The following HELB variants were observed in gnomAD, a reference collection of about 807,000 sequenced individuals.
HELB encodes DNA 5'-3' helicase B.
A neutral mutation model predicts 101.7 loss-of-function variants in HELB; 96 were observed. The observed-to-expected ratio is 0.94, with a 90% CI of 0.80 to 1.12. The LOEUF (loss-of-function observed/expected upper bound fraction) is 1.12, where lower values mean the gene tolerates loss of function less well. Among genes scored for constraint, HELB ranks in the 50% most tolerant of loss-of-function variants. The pLI is 0.00. For missense variants in HELB, 1,210 were observed against 1,291.9 expected (o/e 0.94, Z 0.97); for synonymous variants, 437 against 459.7 (o/e 0.95, Z 0.63).
intron 11 of HELB, among the ~76,000 whole-genome samples, chr12:66,327,746 C>T (rs1377406727): frequency 6.6e-6 from 1 of 151,758 alleles, no homozygotes; most frequent in African/African-American, 2.4e-5. Flanking sequence ...CATTGTGAAG[C>T]TTAAATTTGG....
At chr12:66,336,688 G>A (rs1023536934) in intron 12 of HELB, among the ~76,000 whole-genome samples, 23 of 152,128 alleles carry the variant, frequency 1.5e-4, no homozygotes, top group African/African-American at 5.6e-4. Context: ...GGTGTGTGGA[G>A]TCCTGGCACA....
At chr12:66,304,230 G>T (rs1341921251) in intron 1 of HELB, among the ~76,000 whole-genome samples, 1 of 152,212 alleles carries the variant, frequency 6.6e-6, no homozygotes, top group East Asian at 1.9e-4. Flanking sequence ...ATGCTTAGAA[G>T]GAATGCTAAA....
chr12:66,303,607 T>C (rs1339320886), intron 1 of HELB, among the ~76,000 whole-genome samples: 1 of 151,982 alleles, frequency 6.6e-6, no homozygotes, highest in African/African-American at 2.4e-5. Context: ...CACTCCGGCC[T>C]GGGCAACAAG....
At chr12:66,328,540 C>G (rs150729449) in intron 11 of HELB, among the ~76,000 whole-genome samples, 27 of 152,156 alleles carry the variant, frequency 1.8e-4, no homozygotes, top group African/African-American at 6.0e-4. Context: ...GTGAGACCCT[C>G]TCTCAAAAAC....
intron 7 of HELB, 104 bp from the exon 8 acceptor site, chr12:66,321,844 A>G (rs1038144325): frequency 1.0e-5 from 6 of 594,816 alleles, no homozygotes; most frequent in African/African-American, 1.9e-5. Flanking sequence ...TTGGTGAGAT[A>G]TTTTCCCAGG....
At chr12:66,326,215 G>A (rs2053735186) in intron 11 of HELB, among the ~76,000 whole-genome samples, 1 of 150,926 alleles carries the variant, frequency 6.6e-6, no homozygotes, top group African/African-American at 2.4e-5. Flanking sequence ...TCTGCTGTTG[G>A]TATGTTGCTT....
rs1452684314 is a variant in HELB, at chr12:66,310,359, T to A, written c.1431T>A (p.Gly477=). ...SNPVTVISGK[G]GCGKTTIVSR... is the part of the protein sequence containing the mutation. ...CTGTGACAGTCATAAGTGGGAAAGGTGGATGTGGGAAGACCACAATCGTTA... is the reference window on the plus strand; with the variant it reads ...CTGTGACAGTCATAAGTGGGAAAGGAGGATGTGGGAAGACCACAATCGTTA... The change falls in exon 4 of 13, where the codon GGT becomes GGA. Residue 477 remains glycine (G), a synonymous_variant. Coordinates refer to ENST00000247815, the MANE Select transcript of HELB (RefSeq NM_001370285.1). 2 of 1,614,184 alleles carry A rather than the reference T, an allele frequency of 1.2e-6. No individual in the cohort carries two copies. Among genetic ancestry groups the A allele is most frequent in the Admixed American group, 3.3e-5 (2 of 60,006 alleles).
At position 66,305,066 on chromosome 12, in the gene HELB, A is replaced by G; in HGVS notation, c.523A>G (p.Arg175Gly). 6.2e-7 allele frequency: 1 copy of G among 1,611,546 alleles called. No individual in the cohort carries two copies. The highest frequency in any genetic ancestry group is 8.5e-7 in the Non-Finnish European group (1 of 1,179,048). ...AAGAACTTTCCACAAGGAAACTGGA[A>G]GGAAAGATCAAAAGCAGCCTACACA... ...TLRTFHKETG[R>G]KDQKQPTQNG... The change falls in exon 2 of 13, where the codon AGG (arginine) becomes GGG (glycine). Residue 175 changes from arginine (R) to glycine (G), a missense_variant. By Grantham distance (125) the Arg-to-Gly change is moderately radical. This residue lies in a region of HELB where 470 missense variants were observed against 563.1 expected (regional missense o/e 0.83). Coordinates refer to ENST00000247815, the MANE Select transcript of HELB (RefSeq NM_001370285.1).
chr12:66,302,555 C>A lies in HELB; in HGVS notation c.-49C>A. 6.4e-7 allele frequency: 1 copy of A among 1,551,200 alleles called. No individual in the cohort carries two copies. Among genetic ancestry groups the A allele is most frequent in the Non-Finnish European group, 8.9e-7 (1 of 1,127,546 alleles). ...AACTGATTGGCTGATCATGACCATG[C>A]AGTTAGCCAGGGTTTTCCCGAGTTG... On this transcript the variant is annotated 5_prime_UTR_variant, in exon 1 of 13. Transcript: ENST00000247815.
Position 66,310,479 on chromosome 12 carries a change from G to A in HELB, c.1551G>A (p.Trp517Ter), listed in dbSNP as rs140603418. The change falls in exon 4 of 13, where the codon TGG becomes TGA. Residue 517 changes from tryptophan to a stop codon, truncating the protein, a stop_gained. Transcript: ENST00000247815. LOFTEE classifies it high-confidence loss of function. ...AAGACCAGAATGCTTCAGAAGAATG[G>A]ATTACCTTTACTGAGCAAAGTCAAC... Reference protein sequence around the residue: ...FEQDQNASEEWITFTEQSQLE... With the variant: ...FEQDQNASEE 3.1e-6 allele frequency: 5 copies of A among 1,613,946 alleles called. No individual in the cohort carries two copies. The African/African-American group carries it at 4.0e-5, about 13-fold the overall frequency.
rs76872491 is a variant in HELB at position 66,305,782 on chromosome 12, T to A, written c.608-563T>A. 5.6e-3 allele frequency among the ~76,000 whole-genome samples: 859 copies of A among 152,168 alleles called. 16 individuals are homozygous for A. Among genetic ancestry groups the A allele is most frequent in the African/African-American group, 0.02 (832 of 41,502 alleles). ...AAAAATCAGTTGTAAATGATTCTGT[T>A]TAAAGAGGTAGAGAAGAACGACAAG... On this transcript the variant is annotated intron_variant, in intron 2 of 12. Transcript: ENST00000247815.
intron 10 of HELB, chr12:66,324,465 G>C (rs1380085604): frequency 5.1e-5 from 17 of 332,190 alleles, no homozygotes; most frequent in Admixed American, 4.4e-5. Flanking sequence ...ATATTTTCTA[G>C]AAGATTTTAT....
chr12:66,335,651 A>C (rs1351134514), intron 12 of HELB, among the ~76,000 whole-genome samples: 4 of 152,190 alleles, frequency 2.6e-5, no homozygotes, highest in African/African-American at 9.7e-5. Flanking sequence ...GAGAACCAGA[A>C]ATTCATGATT....
At chr12:66,342,397 C>T (rs182017657), downstream of HELB, 499 of 141,734 alleles carry the variant, frequency 3.5e-3, 2 homozygotes, top group African/African-American at 0.012. Context: ...TTCTTCGAGA[C>T]GGAGTCTTGC....
intron 3 of HELB, among the ~76,000 whole-genome samples, chr12:66,307,594 C>T (rs1290432567): frequency 6.6e-6 from 1 of 152,016 alleles, no homozygotes; most frequent in African/African-American, 2.4e-5. Flanking sequence ...CAGGCCCTTA[C>T]TCTCACTCTT....
At chr12:66,342,699 TTTC>T (rs1431245160), downstream of HELB, 3 of 111,664 alleles carry the variant, frequency 2.7e-5, no homozygotes, top group Non-Finnish European at 5.5e-5. Context: ...CTTTTTTCTT[TTTC>T]TTTTTTTTTT....
rs919943970 is a variant in HELB, at chr12:66,324,819, T to G, written c.2527-164T>G. ...GTTTATTAAAATATTTAGGTATAGATATATTGTTTGTGCTGAAATGCAAAT... is the reference window on the plus strand; with the variant it reads ...GTTTATTAAAATATTTAGGTATAGAGATATTGTTTGTGCTGAAATGCAAAT... On this transcript the variant is annotated intron_variant, in intron 10 of 12. Coordinates refer to ENST00000247815, the MANE Select transcript of HELB (RefSeq NM_001370285.1). The G allele has an allele frequency of 5.7e-6, 4 of 706,534 alleles. No homozygotes were observed. In the African/African-American group the frequency reaches 7.2e-5, roughly 13 times the overall value. 43.8% of individuals were successfully genotyped at this position (706,534 alleles called of 1,614,324 possible).
intron 11 of HELB, among the ~76,000 whole-genome samples, chr12:66,326,167 T>G (rs35581560): frequency 2.6e-5 from 4 of 152,206 alleles, no homozygotes; most frequent in Non-Finnish European, 1.5e-5. Context: ...CTGTTATTAG[T>G]GAGTCTCTTA....
In HELB at chr12:66,321,998, G is replaced by A; in HGVS notation, c.2206G>A (p.Ala736Thr). 1 of 1,177,556 alleles carries A rather than the reference G, an allele frequency of 8.5e-7. No homozygotes were observed. Among genetic ancestry groups the A allele is most frequent in the South Asian group, 1.3e-5 (1 of 75,498 alleles). 72.9% of individuals were successfully genotyped at this position (1,177,556 alleles called of 1,614,324 possible). A position where few individuals can be genotyped will look rare whatever the true frequency, so the allele number is the denominator to read the frequency against. ...ACTACAAGAAAATAACTTACAAAAT[G>A]CAAAAACATCACAATTTATTGCATT... The part of the protein sequence containing the change: ...TLLQENNLQN[A>T]KTSQFIAFRR... Residue 736 changes from alanine to threonine, a missense_variant, in exon 8 of 13, where the codon GCA (alanine) becomes ACA (threonine). Transcript: ENST00000247815.
Sources: gnomAD v4.1 joint callset for allele counts (sites outside exome capture counted in the v4.1 genomes callset) on GRCh38, gnomAD v4.1.1 for gene constraint, gnomAD v4.1.1 regional missense constraint, MANE v1.5 for transcripts, NCBI Gene and HGNC (gene_info 2026-07-23, HGNC 2026-07-21) for gene names.